LAMA3: variants seen among roughly 807,000 people sequenced by gnomAD.
LAMA3 encodes the protein laminin subunit alpha 3.
A neutral mutation model predicts 402.0 loss-of-function variants in LAMA3; 281 were observed. That is an observed-to-expected ratio of 0.70 (90% CI 0.63 to 0.77). LAMA3 has a LOEUF of 0.77. Ranked by LOEUF, LAMA3 falls within the 30% of genes least tolerant of loss-of-function variation. LAMA3 has a pLI of 0.00. For missense variants in LAMA3, 3,840 were observed against 4,215.5 expected (o/e 0.91, Z 2.47); for synonymous variants, 1,431 against 1,558.4 (o/e 0.92, Z 1.93).
intron 34 of LAMA3, among the ~76,000 whole-genome samples, chr18:23,860,145 T>C (rs1329384910): frequency 6.6e-6 from 1 of 152,066 alleles, no homozygotes; most frequent in Non-Finnish European, 1.5e-5. Context: ...TCTCTCATGA[T>C]GTCTTGTTAT....
intron 11 of LAMA3, among the ~76,000 whole-genome samples, chr18:23,782,891 G>A (rs184488955): frequency 4.6e-5 from 7 of 151,784 alleles, no homozygotes; most frequent in African/African-American, 1.7e-4. Flanking sequence ...ATTTCCCAAG[G>A]AATAATGTGT....
At chr18:23,696,938 C>T (rs186727440) in intron 1 of LAMA3, among the ~76,000 whole-genome samples, 4 of 152,332 alleles carry the variant, frequency 2.6e-5, no homozygotes, top group African/African-American at 9.6e-5. Context: ...TGGTCTTTCT[C>T]TGGCTACTCC....
intron 70 of LAMA3, among the ~76,000 whole-genome samples, chr18:23,948,578 T>G (rs2082789895): frequency 6.6e-6 from 1 of 152,002 alleles, no homozygotes; most frequent in Non-Finnish European, 1.5e-5. Flanking sequence ...TTCTTTCTTT[T>G]TTTTTTTTTG....
At position 23,839,389 on chromosome 18, in the gene LAMA3, G is replaced by T. The variant is rs2063650124; in HGVS notation, c.3192-396G>T. Among the ~76,000 whole-genome samples, 1 of 152,180 alleles carries T rather than the reference G, an allele frequency of 6.6e-6. No homozygotes were observed. Among genetic ancestry groups the T allele is most frequent in the Non-Finnish European group, 1.5e-5 (1 of 68,050 alleles). ...GAACTACCAACACAATGTGATTCTG[G>T]TTGTGCGTAAAAGAGACGATGTATA... is the stretch of plus-strand genomic sequence containing the variant. On this transcript the variant is annotated intron_variant, in intron 26 of 74. Transcript: ENST00000313654. The surrounding 1 kb of genome is among the most constrained non-coding windows in gnomAD (Gnocchi z 4.5).
intron 2 of LAMA3, among the ~76,000 whole-genome samples, chr18:23,731,435 A>G (rs929305962): frequency 6.6e-6 from 1 of 152,208 alleles, no homozygotes; most frequent in African/African-American, 2.4e-5. Flanking sequence ...GCTGGGGACT[A>G]AAGTGTGCTC....
At chr18:23,827,110 T>G (rs967950033) in intron 22 of LAMA3, among the ~76,000 whole-genome samples, 1 of 152,222 alleles carries the variant, frequency 6.6e-6, no homozygotes, top group African/African-American at 2.4e-5. Context: ...AAGCCAGGTT[T>G]GTGGACCTTT....
chr18:23,952,754 T>C (rs1188935009), intron 73 of LAMA3, among the ~76,000 whole-genome samples: 2 of 152,168 alleles, frequency 1.3e-5, no homozygotes, highest in Non-Finnish European at 2.9e-5. Flanking sequence ...ATCTGGGAAA[T>C]GGGGAATGAT....
chr18:23,948,673 G>A (rs1477361209), intron 70 of LAMA3, among the ~76,000 whole-genome samples: 4 of 151,476 alleles, frequency 2.6e-5, no homozygotes, highest in South Asian at 2.1e-4. Flanking sequence ...GAGTTCAAAC[G>A]ATTCTCCTGC....
chr18:23,691,096 G>A (rs2060579928), intron 1 of LAMA3, among the ~76,000 whole-genome samples: 1 of 151,922 alleles, frequency 6.6e-6, no homozygotes, highest in South Asian at 2.1e-4. Flanking sequence ...TATTGTTGAG[G>A]AACAGGAAGT....
At chr18:23,852,207 C>T (rs2063962003) in intron 32 of LAMA3, among the ~76,000 whole-genome samples, 1 of 152,146 alleles carries the variant, frequency 6.6e-6, no homozygotes, top group South Asian at 2.1e-4. Context: ...CTCATTCATT[C>T]TTTCTTTTTT....
chr18:23,883,097 G>T (rs1313840743), intron 40 of LAMA3, among the ~76,000 whole-genome samples: 1 of 152,202 alleles, frequency 6.6e-6, no homozygotes, highest in Non-Finnish European at 1.5e-5. Flanking sequence ...GAGAAGGCAG[G>T]AGTGGCAGAA....
intron 41 of LAMA3, among the ~76,000 whole-genome samples, chr18:23,888,469 C>T (rs552432103): frequency 6.6e-5 from 10 of 152,028 alleles, no homozygotes; most frequent in Admixed American, 4.6e-4. Context: ...GCCAGGTGAC[C>T]GTAGGGATAT....
At chr18:23,805,398 T>A (rs1189279699) in intron 12 of LAMA3, among the ~76,000 whole-genome samples, 1 of 152,174 alleles carries the variant, frequency 6.6e-6, no homozygotes, top group Non-Finnish European at 1.5e-5. Context: ...CCTGCAGAAA[T>A]GTTGTATTGC....
intron 12 of LAMA3, among the ~76,000 whole-genome samples, chr18:23,804,238 C>T (rs2062920051): frequency 1.3e-5 from 2 of 152,200 alleles, no homozygotes; most frequent in South Asian, 4.1e-4. Context: ...TTATGTGGGC[C>T]TGCTGAAGGC....
chr18:23,861,976 G>T (rs1340576770), intron 35 of LAMA3, among the ~76,000 whole-genome samples, 169 bp downstream of exon 35: 1 of 152,190 alleles, frequency 6.6e-6, no homozygotes, highest in Non-Finnish European at 1.5e-5. Flanking sequence ...TGCTGTGAGG[G>T]GCTGAGCAGG....
At position 23,884,866 on chromosome 18, in the gene LAMA3, C is replaced by G; in HGVS notation, c.5303+13C>G. On this transcript the variant is annotated intron_variant, in intron 41 of 74. Coordinates refer to ENST00000313654, the MANE Select transcript of LAMA3 (RefSeq NM_198129.4). ...CACAGTGTGAAAGGTAAGGTGGGCGCCCCTCCCGCCTCAGCCTGCAGAGGG... is the reference window on the plus strand; with the variant it reads ...CACAGTGTGAAAGGTAAGGTGGGCGGCCCTCCCGCCTCAGCCTGCAGAGGG... 1 of 1,599,852 alleles carries G rather than the reference C, an allele frequency of 6.3e-7. No homozygotes were observed. Among genetic ancestry groups the G allele is most frequent in the Admixed American group, 1.7e-5 (1 of 59,070 alleles).
At chr18:23,721,917 A>G (rs1232632756) in intron 2 of LAMA3, among the ~76,000 whole-genome samples, 1 of 152,196 alleles carries the variant, frequency 6.6e-6, no homozygotes, top group Non-Finnish European at 1.5e-5. Flanking sequence ...CTACCTATCA[A>G]TCAATCTTCT....
chr18:23,799,941 C>T (rs922624931), intron 12 of LAMA3, among the ~76,000 whole-genome samples: 5 of 152,170 alleles, frequency 3.3e-5, no homozygotes, highest in Admixed American at 2.0e-4. Context: ...AGACTTTTAG[C>T]TGATTGGATG....
At chr18:23,912,651 T>A (rs2081472664) in intron 55 of LAMA3, 60 bp from the exon 56 acceptor site, 1 of 1,435,352 alleles carries the variant, frequency 7.0e-7, no homozygotes. Context: ...ACTAGCTCTC[T>A]GAGCACACCT....
Sources: gnomAD v4.1 joint callset for allele counts (sites outside exome capture counted in the v4.1 genomes callset) on GRCh38, gnomAD v4.1.1 for gene constraint, Gnocchi (gnomAD v3.1) non-coding constraint, MANE v1.5 for transcripts, NCBI Gene and HGNC (gene_info 2026-07-23, HGNC 2026-07-21) for gene names.